Variants in SLC2A9 observed in about 807,000 individuals in gnomAD.
The protein encoded by SLC2A9 is solute carrier family 2 member 9, also known as solute carrier family 2, facilitated glucose transporter member 9.
Under a neutral mutation model 50.6 loss-of-function variants are expected in SLC2A9, and 39 were observed. The ratio of observed to expected loss-of-function variants is 0.77; its 90% CI spans 0.60 to 1.01. The LOEUF is 1.01. Among genes scored for constraint, SLC2A9 ranks in the 50% least tolerant of loss-of-function variants. The pLI is 0.00. For missense variants in SLC2A9, 686 were observed against 677.6 expected (o/e 1.01, Z -0.14); for synonymous variants, 324 against 276.9 (o/e 1.17, Z -1.69).
chr4:9,979,906 T>C lies in SLC2A9; in HGVS notation c.681+686A>G, dbSNP rs183223103. Among the ~76,000 whole-genome samples, 11 of 152,282 alleles carry C rather than the reference T, an allele frequency of 7.2e-5. No individual in the cohort carries two copies. The East Asian group carries it at 1.5e-3, about 21-fold the overall frequency. On this transcript the variant is annotated intron_variant, in intron 5 of 11. Transcript: ENST00000264784. The stretch of plus-strand genomic sequence containing the variant: ...CTTTACTGATTTCCTTTCTCTGGTA[T>C]ATCCTCTGTCCCAATCCCCATCATC...
chr4:9,782,040 C>T (rs750197120), intron 3 of SLC2A9: 7 of 1,470,970 alleles, frequency 4.8e-6, no homozygotes, highest in South Asian at 1.4e-5. Context: ...ATGCTGCCGC[C>T]AGGCAGCAAC....
intron 2 of SLC2A9, among the ~76,000 whole-genome samples, chr4:9,999,744 G>A (rs1463900193): frequency 1.3e-5 from 2 of 152,114 alleles, no homozygotes; most frequent in Non-Finnish European, 2.9e-5. Flanking sequence ...TTTTTGGCAG[G>A]GGGAGGACAT....
At chr4:9,917,977 C>T (rs867424940) in intron 7 of SLC2A9, among the ~76,000 whole-genome samples, 10 of 152,144 alleles carry the variant, frequency 6.6e-5, no homozygotes, top group African/African-American at 2.2e-4. Context: ...CCAGGGAGTG[C>T]ACCCAACACC....
At chr4:9,949,616 C>T (rs1749837802) in intron 5 of SLC2A9, among the ~76,000 whole-genome samples, 1 of 152,196 alleles carries the variant, frequency 6.6e-6, no homozygotes, top group Non-Finnish European at 1.5e-5. Flanking sequence ...CTTTCCTTGA[C>T]ATTATTCCTC....
At chr4:9,911,026 C>T (rs1205959087) in intron 7 of SLC2A9, among the ~76,000 whole-genome samples, 1 of 151,916 alleles carries the variant, frequency 6.6e-6, no homozygotes, top group Non-Finnish European at 1.5e-5. Context: ...GGAGGGATGG[C>T]ATTAGGAGAA....
intron 1 of SLC2A9, among the ~76,000 whole-genome samples, chr4:10,030,420 C>T (rs1425059037): frequency 6.6e-6 from 1 of 151,994 alleles, no homozygotes; most frequent in East Asian, 1.9e-4. Flanking sequence ...TTGTCCAAAC[C>T]CACAGAATGT....
intron 2 of SLC2A9, among the ~76,000 whole-genome samples, chr4:10,013,532 G>A (rs1331664457): frequency 6.6e-6 from 1 of 152,226 alleles, no homozygotes; most frequent in Non-Finnish European, 1.5e-5. Flanking sequence ...CCTTTAAAAG[G>A]GGGTTAGTGA....
In SLC2A9 at chr4:9,985,792, T is replaced by C. The variant is rs767154044; in HGVS notation, c.412A>G (p.Lys138Glu). The change falls in exon 4 of 12, where the codon AAG (lysine) becomes GAG (glutamate). Residue 138 changes from lysine (K) to glutamate (E), a missense_variant and splice_region_variant. Transcript: ENST00000264784. ...VKMIGKVLGR[K>E]HTLLANNGFA... is the part of the protein sequence containing the mutation. Reference sequence around the variant, plus strand: ...CCATTATTGGCCAGCAAAGTGTGCTTCCTGGAAAGAAAGGAAAGATTTGAT... The same window carrying C: ...CCATTATTGGCCAGCAAAGTGTGCTCCCTGGAAAGAAAGGAAAGATTTGAT... 2.5e-6 allele frequency: 4 copies of C among 1,614,006 alleles called. No individual in the cohort carries two copies. The highest frequency in any genetic ancestry group is 3.4e-6 in the Non-Finnish European group (4 of 1,179,874).
At chr4:9,995,219 A>C (rs1164567093) in intron 3 of SLC2A9, among the ~76,000 whole-genome samples, 1 of 152,172 alleles carries the variant, frequency 6.6e-6, no homozygotes, top group East Asian at 1.9e-4. Context: ...GGAACCTTGA[A>C]GGACCTCAGA....
At chr4:10,024,473 G>A (rs1329689761), upstream of SLC2A9, among the ~76,000 whole-genome samples, 3 of 152,216 alleles carry the variant, frequency 2.0e-5, no homozygotes, top group Non-Finnish European at 4.4e-5. Flanking sequence ...GGATGACCAC[G>A]TGAGGACGCA....
chr4:10,021,062 C>T (rs1763449815), intron 1 of SLC2A9, among the ~76,000 whole-genome samples: 2 of 152,230 alleles, frequency 1.3e-5, no homozygotes, highest in African/African-American at 4.8e-5. Flanking sequence ...CCCAGTCTAC[C>T]AGAGACGCTG....
At chr4:9,782,106 C>T in intron 3 of SLC2A9, 8 of 1,545,068 alleles carry the variant, frequency 5.2e-6, no homozygotes, top group Non-Finnish European at 6.1e-6. Flanking sequence ...CAGGGGAACG[C>T]CGTGGGGGGC....
chr4:9,956,782 A>G (rs567094886), intron 5 of SLC2A9, among the ~76,000 whole-genome samples: 136 of 152,268 alleles, frequency 8.9e-4, no homozygotes, highest in African/African-American at 3.1e-3. Context: ...AAACTTCTTG[A>G]TAAACAAGGC....
chr4:9,970,294 A>C (rs1481953419), intron 5 of SLC2A9, among the ~76,000 whole-genome samples: 2 of 152,200 alleles, frequency 1.3e-5, no homozygotes, highest in Non-Finnish European at 2.9e-5. Context: ...TCTACTTCAC[A>C]GGGAGCCTTG....
At position 9,985,774 on chromosome 4, in the gene SLC2A9, T is replaced by C. The variant is rs1318174424; in HGVS notation, c.430A>G (p.Asn144Asp). The C allele has an allele frequency of 1.2e-6, 2 of 1,614,036 alleles. No individual in the cohort carries two copies. The highest frequency in any genetic ancestry group is 8.5e-7 in the Non-Finnish European group (1 of 1,179,876). Residue 144 changes from asparagine (N) to aspartate (D), a missense_variant, in exon 4 of 12, where the codon AAT (asparagine) becomes GAT (aspartate). Coordinates refer to ENST00000264784, the MANE Select transcript of SLC2A9 (RefSeq NM_020041.3). ...VLGRKHTLLA[N>D]NGFAISAALL... Reference sequence around the variant, plus strand: ...GCAGCAGAAATTGCAAACCCATTATTGGCCAGCAAAGTGTGCTTCCTGGAA... The same window carrying C: ...GCAGCAGAAATTGCAAACCCATTATCGGCCAGCAAAGTGTGCTTCCTGGAA...
At chr4:10,021,518 AAGG>A (rs1763504266), upstream of SLC2A9, 1 of 1,589,584 alleles carries the variant, frequency 6.3e-7, no homozygotes, top group African/African-American at 1.3e-5. Context: ...AGTCCACTGG[AAGG>A]AGGGCGGGAG....
In SLC2A9 at chr4:9,782,997, G is replaced by T. The variant is rs761984824; in HGVS notation, n.386-2932C>A. The T allele has an allele frequency of 1.3e-5, 21 of 1,614,216 alleles. No individual in the cohort carries two copies. Among genetic ancestry groups the T allele is most frequent in the Non-Finnish European group, 1.8e-5 (21 of 1,180,038 alleles). On this transcript the variant is annotated intron_variant and non_coding_transcript_variant, in intron 3 of 3. Coordinates refer to the SLC2A9 transcript ENST00000503803. Reference sequence around the variant, plus strand: ...CTTAACTGCATGGTCCCTTTCTGCAGTGGACACCCCGAAGGCCCTCCGGCC... The same window carrying T: ...CTTAACTGCATGGTCCCTTTCTGCATTGGACACCCCGAAGGCCCTCCGGCC...
chr4:9,777,002 T>C (rs1053927644), downstream of SLC2A9, among the ~76,000 whole-genome samples: 3 of 152,210 alleles, frequency 2.0e-5, no homozygotes, highest in Non-Finnish European at 4.4e-5. Context: ...TCCTCCAAGA[T>C]GACAACTCAT....
chr4:9,997,351 T>C (rs1758860241), intron 2 of SLC2A9, among the ~76,000 whole-genome samples: 1 of 152,176 alleles, frequency 6.6e-6, no homozygotes, highest in Non-Finnish European at 1.5e-5. Context: ...ATGAGCTTCA[T>C]AGCTGGGCTT....
Sources: gnomAD v4.1 joint callset for allele counts (sites outside exome capture counted in the v4.1 genomes callset) on GRCh38, gnomAD v4.1.1 for gene constraint, MANE v1.5 for transcripts, NCBI Gene and HGNC (gene_info 2026-07-23, HGNC 2026-07-21) for gene names.